The following MAPKAP1 variants were observed in gnomAD, a reference collection of about 807,000 sequenced individuals.
MAPKAP1 encodes target of rapamycin complex 2 subunit MAPKAP1.
A neutral mutation model predicts 65.7 loss-of-function variants in MAPKAP1; 20 were observed. The observed-to-expected ratio is 0.30, with a 90% confidence interval of 0.21 to 0.44. The LOEUF is 0.44. Ranked by LOEUF, MAPKAP1 falls within the 20% of genes least tolerant of loss-of-function variation. MAPKAP1 has a pLI of 1.00. For missense variants in MAPKAP1, 423 were observed against 648.0 expected (o/e 0.65, Z 3.77); for synonymous variants, 222 against 244.3 (o/e 0.91, Z 0.85).
chr9:125,441,494 C>A (rs1564511889), intron 11 of MAPKAP1, among the ~76,000 whole-genome samples: 3 of 152,152 alleles, frequency 2.0e-5, no homozygotes. Context: ...AGCTGGTGTT[C>A]AATAAATGGG....
At position 125,559,675 on chromosome 9, in the gene MAPKAP1, G is replaced by A; in HGVS notation, c.806C>T (p.Ser269Leu). Reference protein sequence around the residue: ...FSTLALVEKYSSPGLTSKESL... With the variant: ...FSTLALVEKYLSPGLTSKESL... ...CTCTTTGGATGTCAGACCAGGAGAT[G>A]AGTACTTTTCAACCAGGGCCAAAGT... The change falls in exon 6 of 12, where the codon TCA becomes TTA. Residue 269 changes from serine (S) to leucine (L), a missense_variant. Physicochemically the swap from Ser to Leu is moderately radical, Grantham distance 145 (BLOSUM62 -2). This residue lies in a region of MAPKAP1 where 98 missense variants were observed against 200.5 expected (regional missense o/e 0.49). Coordinates refer to ENST00000265960, the MANE Select transcript of MAPKAP1 (RefSeq NM_001006617.3). 1 of 1,613,996 alleles carries A rather than the reference G, an allele frequency of 6.2e-7. No homozygotes were observed. The highest frequency in any genetic ancestry group is 8.5e-7 in the Non-Finnish European group (1 of 1,179,930).
In MAPKAP1 at chr9:125,695,379, G is replaced by A. The variant is rs895320391; in HGVS notation, c.-70+11592C>T. ...AATTATGGCTTTGCAGAGGGATGCCGAAATGAAATATGACAACATGGTCAC... is the reference window on the plus strand; with the variant it reads ...AATTATGGCTTTGCAGAGGGATGCCAAAATGAAATATGACAACATGGTCAC... On this transcript the variant is annotated intron_variant, in intron 1 of 11. Coordinates refer to ENST00000265960, the MANE Select transcript of MAPKAP1 (RefSeq NM_001006617.3). Among the ~76,000 whole-genome samples, 10 of 152,232 alleles carry A rather than the reference G, an allele frequency of 6.6e-5. No individual in the cohort carries two copies. The South Asian group carries it at 1.9e-3, about 28-fold the overall frequency.
intron 4 of MAPKAP1, among the ~76,000 whole-genome samples, chr9:125,609,794 A>G (rs1319926827): frequency 1.3e-5 from 2 of 152,238 alleles, no homozygotes; most frequent in African/African-American, 4.8e-5. Context: ...TTAACACTCT[A>G]TTAACAGCAT....
At chr9:125,593,671 G>A (rs200927749) in intron 4 of MAPKAP1, among the ~76,000 whole-genome samples, 2 of 151,064 alleles carry the variant, frequency 1.3e-5, no homozygotes, top group Non-Finnish European at 1.5e-5. Context: ...AAAAGAAAAA[G>A]AAAAAAAAAG....
At chr9:125,655,544 A>AT (rs1460148374) in intron 4 of MAPKAP1, among the ~76,000 whole-genome samples, 6 of 152,234 alleles carry the variant, frequency 3.9e-5, no homozygotes, top group African/African-American at 1.4e-4. Flanking sequence ...TCTATTAATC[A>AT]TTGAGATGTC....
intron 1 of MAPKAP1, among the ~76,000 whole-genome samples, chr9:125,688,010 T>G (rs1239583918): frequency 6.6e-6 from 1 of 152,196 alleles, no homozygotes; most frequent in Admixed American, 6.5e-5. Context: ...CTTTGAATGG[T>G]GCTTTGTATT....
intron 10 of MAPKAP1, among the ~76,000 whole-genome samples, chr9:125,460,891 T>A (rs566183920): frequency 3.0e-4 from 45 of 152,320 alleles, no homozygotes; most frequent in African/African-American, 1.0e-3. Context: ...GAAAAAGTCA[T>A]CAAGCACTGG....
At chr9:125,651,172 A>G (rs1011004724) in intron 4 of MAPKAP1, among the ~76,000 whole-genome samples, 9 of 152,216 alleles carry the variant, frequency 5.9e-5, no homozygotes, top group Non-Finnish European at 1.3e-4. Flanking sequence ...AATGGTAGTG[A>G]ATATCTAAAC....
At chr9:125,473,908 C>T (rs1308674435) in intron 9 of MAPKAP1, among the ~76,000 whole-genome samples, 2 of 152,116 alleles carry the variant, frequency 1.3e-5, no homozygotes, top group African/African-American at 2.4e-5. Flanking sequence ...TTCTATAAAA[C>T]GGAGATGATA....
chr9:125,653,148 A>G (rs1833939636), intron 4 of MAPKAP1, among the ~76,000 whole-genome samples: 1 of 152,238 alleles, frequency 6.6e-6, no homozygotes, highest in Non-Finnish European at 1.5e-5. Context: ...TCTTTCACAG[A>G]TCAGGACTGG....
chr9:125,588,415 A>G (rs1426368976), intron 4 of MAPKAP1, among the ~76,000 whole-genome samples: 1 of 152,184 alleles, frequency 6.6e-6, no homozygotes, highest in East Asian at 1.9e-4. Context: ...GGAAATTGGG[A>G]GGTATGAGGT....
At chr9:125,658,393 A>G (rs1013490863) in intron 3 of MAPKAP1, among the ~76,000 whole-genome samples, 1 of 152,240 alleles carries the variant, frequency 6.6e-6, no homozygotes, top group Non-Finnish European at 1.5e-5. Flanking sequence ...CAAGTGTAGT[A>G]ACAGTAGCTA....
intron 7 of MAPKAP1, among the ~76,000 whole-genome samples, chr9:125,506,650 T>C (rs891912649): frequency 2.0e-5 from 3 of 152,192 alleles, no homozygotes; most frequent in African/African-American, 7.2e-5. Flanking sequence ...CGAAACCAAG[T>C]AAGAGGTAAA....
chr9:125,539,451 T>C (rs940120553), intron 7 of MAPKAP1, among the ~76,000 whole-genome samples: 1 of 152,166 alleles, frequency 6.6e-6, no homozygotes, highest in African/African-American at 2.4e-5. Context: ...GATCTAGAGG[T>C]ATCTATATTT....
intron 4 of MAPKAP1, chr9:125,651,971 T>A (rs1278398306): frequency 2.0e-6 from 1 of 497,108 alleles, no homozygotes; most frequent in Non-Finnish European, 2.8e-6. Flanking sequence ...CATTTTTTTT[T>A]CTTTGGGAAA....
chr9:125,507,818 AG>A (rs1829187002), intron 7 of MAPKAP1, among the ~76,000 whole-genome samples: 1 of 152,240 alleles, frequency 6.6e-6, no homozygotes, highest in Non-Finnish European at 1.5e-5. Context: ...TATATCAAAA[AG>A]GTATTGTGTT....
At chr9:125,448,275 A>T (rs1313131626) in intron 10 of MAPKAP1, among the ~76,000 whole-genome samples, 2 of 152,180 alleles carry the variant, frequency 1.3e-5, no homozygotes, top group Admixed American at 6.5e-5. Flanking sequence ...AATAGCTAAT[A>T]ATCAGAATTC....
intron 4 of MAPKAP1, among the ~76,000 whole-genome samples, chr9:125,616,029 GA>G (rs1427401124): frequency 6.6e-6 from 1 of 151,970 alleles, no homozygotes; most frequent in African/African-American, 2.4e-5. Context: ...ATTAGCACAG[GA>G]AAAACCAAAT....
chr9:125,590,299 C>T (rs967920217), intron 4 of MAPKAP1, among the ~76,000 whole-genome samples: 2 of 152,180 alleles, frequency 1.3e-5, no homozygotes, highest in Non-Finnish European at 2.9e-5. Flanking sequence ...TACAAGGTCA[C>T]ATGAGGCCAA....
Sources: allele counts gnomAD v4.1 joint callset (sites outside exome capture counted in the v4.1 genomes callset), GRCh38; gene constraint gnomAD v4.1.1; regional missense constraint gnomAD v4.1.1; transcripts MANE v1.5; gene names NCBI Gene and HGNC (gene_info 2026-07-23, HGNC 2026-07-21).